The following SBNO1 variants were observed in gnomAD, a reference collection of about 807,000 sequenced individuals.
SBNO1 encodes protein strawberry notch homolog 1.
A neutral mutation model predicts 173.6 loss-of-function variants in SBNO1; 23 were observed. The ratio of observed to expected loss-of-function variants is 0.13; its 90% CI spans 0.10 to 0.19. The LOEUF (loss-of-function observed/expected upper bound fraction) is 0.19. SBNO1 is among the 10% of genes least tolerant of loss of function. The pLI is 1.00. For synonymous variants in SBNO1, 632 were observed against 571.5 expected (o/e 1.11, Z -1.51); for missense variants, 1,238 against 1,671.2 (o/e 0.74, Z 4.52).
intron 4 of SBNO1, among the ~76,000 whole-genome samples, chr12:123,342,367 C>T (rs1444302778): frequency 6.6e-6 from 1 of 152,068 alleles, no homozygotes; most frequent in Non-Finnish European, 1.5e-5. Context: ...AGGAGAATGG[C>T]ATGAAAACAG....
In SBNO1 at chr12:123,347,907, TC is replaced by T. The variant is rs1371257643; in HGVS notation, c.237+121del. ...GTCTTGAATTCCTCGGCTCAAGCAA[TC>T]CTCCTACCTCAGCCTCTCAAAGTGC... On this transcript the variant is annotated intron_variant, in intron 3 of 31. Coordinates refer to ENST00000602398, the MANE Select transcript of SBNO1 (RefSeq NM_001167856.3). The T allele has an allele frequency of 5.4e-4, 269 of 499,182 alleles. 1 individual carries two copies. The highest frequency in any genetic ancestry group is 5.9e-4 in the Non-Finnish European group (158 of 269,618). The allele number at this position is 499,182 out of a possible 1,614,324, so 30.9% of individuals were successfully genotyped here.
chr12:123,303,622 C>A (rs1186590712), intron 29 of SBNO1, among the ~76,000 whole-genome samples: 1 of 149,862 alleles, frequency 6.7e-6, no homozygotes, highest in Non-Finnish European at 1.5e-5. Flanking sequence ...ACACTCCCAG[C>A]CTGGGTAACA....
intron 5 of SBNO1, among the ~76,000 whole-genome samples, chr12:123,338,720 T>C (rs1476181300): frequency 1.3e-5 from 2 of 151,176 alleles, no homozygotes; most frequent in Non-Finnish European, 2.9e-5. Context: ...AAAAATTATC[T>C]GGGTGTGGTG....
At chr12:123,318,108 T>C (rs1039783470) in intron 20 of SBNO1, among the ~76,000 whole-genome samples, 4 of 152,140 alleles carry the variant, frequency 2.6e-5, no homozygotes, top group African/African-American at 7.2e-5. Flanking sequence ...ACTGTGGGCA[T>C]GTGCCATCAT....
At chr12:123,299,488 T>C (rs2048711351) in intron 30 of SBNO1, among the ~76,000 whole-genome samples, 1 of 151,356 alleles carries the variant, frequency 6.6e-6, no homozygotes, top group Non-Finnish European at 1.5e-5. Context: ...CAGAGCATCC[T>C]GGCTAACATG....
chr12:123,325,490 CA>C lies in SBNO1; in HGVS notation c.1973+11del. The C allele has an allele frequency of 1.3e-6, 2 of 1,578,368 alleles. No individual in the cohort carries two copies. The highest frequency in any genetic ancestry group is 1.7e-6 in the Non-Finnish European group (2 of 1,149,152). ...AAAAGAAACAAAAACATTAAAAGAA[CA>C]AAAACATTACTTGGCAGTTGAAACA... is the stretch of plus-strand genomic sequence containing the variant. On this transcript the variant is annotated intron_variant, in intron 15 of 31. Transcript: ENST00000602398.
At chr12:123,342,036 GC>G (rs1230870692) in intron 4 of SBNO1, among the ~76,000 whole-genome samples, 1 of 147,954 alleles carries the variant, frequency 6.8e-6, no homozygotes, top group Admixed American at 6.9e-5. Context: ...CGGCGCAGTG[GC>G]TCACGCCTGT....
At position 123,364,718 on chromosome 12, in the gene SBNO1, G is replaced by C. The variant is rs1875946123; in HGVS notation, c.-18C>G. 3.0e-6 allele frequency: 3 copies of C among 986,158 alleles called. No homozygotes were observed. The highest frequency in any genetic ancestry group is 3.6e-6 in the Non-Finnish European group (3 of 830,302). The allele number at this position is 986,158 out of a possible 1,614,324, so 61.1% of individuals were successfully genotyped here. On this transcript the variant is annotated 5_prime_UTR_variant, in exon 1 of 32. Transcript: ENST00000602398. ...GGACTTACTTTCCCCGCGGGACCCG[G>C]CGCCAGCACAGCTCCTCCCGGGAGG...
intron 20 of SBNO1, 100 bp from the exon 21 acceptor site, chr12:123,317,456 T>A: frequency 2.0e-6 from 2 of 1,020,012 alleles, no homozygotes; most frequent in South Asian, 1.5e-5. Flanking sequence ...TCTCTCCTTC[T>A]TTCTCAATAA....
chr12:123,355,929 GAAACA>G (rs1377176337), intron 1 of SBNO1, among the ~76,000 whole-genome samples: 1 of 152,184 alleles, frequency 6.6e-6, no homozygotes, highest in East Asian at 1.9e-4. Context: ...AGAATACTGA[GAAACA>G]ATAGCCAACC....
rs1295539862 is a variant in SBNO1, at chr12:123,319,124, C to T, written c.2799+776G>A. Reference sequence around the variant, plus strand: ...GACTACAGGCACATGCCACCACACCCGACCAATTTTTGTATTTTTAGTAGA... The same window carrying T: ...GACTACAGGCACATGCCACCACACCTGACCAATTTTTGTATTTTTAGTAGA... On this transcript the variant is annotated intron_variant, in intron 20 of 31. Transcript: ENST00000602398. Among the ~76,000 whole-genome samples the T allele has an allele frequency of 1.1e-4, 16 of 152,026 alleles. No individual in the cohort carries two copies. In the South Asian group the frequency reaches 2.1e-3, roughly 20 times the overall value.
rs755630606 is a variant in SBNO1, at chr12:123,309,356, C to G, written c.3584G>C (p.Trp1195Ser). 14 of 1,614,034 alleles carry G rather than the reference C, an allele frequency of 8.7e-6. No homozygotes were observed. The highest frequency in any genetic ancestry group is 1.2e-5 in the Non-Finnish European group (14 of 1,180,012). The change falls in exon 28 of 32, where the codon TGG becomes TCG. Residue 1195 changes from tryptophan (W) to serine (S), a missense_variant. Trp to Ser is a radical substitution (Grantham distance 177, BLOSUM62 -3). Transcript: ENST00000602398. ...ATCGTCTGGTCCTGTCAGCTCAGCC[C>G]AAATCTTGGTAGCTTCCTCCCATGA... ...GMSWEEATKIWAELTGPDDGF... is the reference protein window; with the variant it reads ...GMSWEEATKISAELTGPDDGF...
intron 16 of SBNO1, among the ~76,000 whole-genome samples, chr12:123,322,884 A>AAAAAAAAAAG (rs201297566): frequency 6.6e-6 from 1 of 151,260 alleles, no homozygotes; most frequent in Admixed American, 6.6e-5. Context: ...CCTGTCTCAA[A>AAAAAAAAAAG]AAAAAAAAAG....
intron 1 of SBNO1, among the ~76,000 whole-genome samples, 174 bp from the exon 2 acceptor site, chr12:123,350,615 G>A (rs1425414894): frequency 6.6e-6 from 1 of 152,148 alleles, no homozygotes; most frequent in Non-Finnish European, 1.5e-5. Context: ...TGGATCCCAA[G>A]CTCACTCTAA....
At chr12:123,336,008 T>C (rs978327125) in intron 6 of SBNO1, among the ~76,000 whole-genome samples, 4 of 152,128 alleles carry the variant, frequency 2.6e-5, no homozygotes, top group Non-Finnish European at 4.4e-5. Flanking sequence ...AATGAAAAAG[T>C]GAAAATTTTA....
At chr12:123,361,594 C>T (rs1400810065) in intron 1 of SBNO1, among the ~76,000 whole-genome samples, 3 of 151,520 alleles carry the variant, frequency 2.0e-5, no homozygotes, top group African/African-American at 4.9e-5. Flanking sequence ...ATTAGCTGGG[C>T]GTGGTGGCGT....
At chr12:123,310,599 A>G (rs898914704) in intron 25 of SBNO1, among the ~76,000 whole-genome samples, 2 of 150,450 alleles carry the variant, frequency 1.3e-5, no homozygotes, top group African/African-American at 4.9e-5. Flanking sequence ...CAGTGGTGCA[A>G]TCTCGGCTCA....
intron 28 of SBNO1, among the ~76,000 whole-genome samples, chr12:123,305,248 A>G (rs1323406744): frequency 1.3e-5 from 2 of 152,202 alleles, no homozygotes; most frequent in Non-Finnish European, 2.9e-5. Flanking sequence ...AAGGCCTTGG[A>G]TGGCCCCAGT....
chr12:123,306,868 A>G (rs536785102), intron 28 of SBNO1, among the ~76,000 whole-genome samples: 1 of 152,068 alleles, frequency 6.6e-6, no homozygotes, highest in African/African-American at 2.4e-5. Context: ...AAATCAACCT[A>G]CAGTTCAATC....
Sources: gnomAD v4.1 joint callset for allele counts (sites outside exome capture counted in the v4.1 genomes callset) on GRCh38, gnomAD v4.1.1 for gene constraint, MANE v1.5 for transcripts, NCBI Gene and HGNC (gene_info 2026-07-23, HGNC 2026-07-21) for gene names.